ERCC8: variants seen among roughly 807,000 people sequenced by gnomAD.
The protein encoded by ERCC8 is DNA excision repair protein ERCC-8.
In ERCC8, 52 loss-of-function variants were observed where a neutral mutation model predicts 54.9. That is an observed-to-expected ratio of 0.95 (90% CI 0.76 to 1.19). The LOEUF (loss-of-function observed/expected upper bound fraction) is 1.19. Ranked by LOEUF, ERCC8 falls within the 50% of genes most tolerant of loss-of-function variation. The pLI, the probability that ERCC8 is intolerant of heterozygous loss-of-function variation, is 0.00. For missense variants in ERCC8, 514 were observed against 466.1 expected (o/e 1.10, Z -0.95); for synonymous variants, 146 against 157.2 (o/e 0.93, Z 0.53).
At chr5:60,930,750 G>T (rs1192726142) in intron 1 of ERCC8, among the ~76,000 whole-genome samples, 1 of 151,952 alleles carries the variant, frequency 6.6e-6, no homozygotes, top group African/African-American at 2.4e-5. Flanking sequence ...TTAGCCTTAG[G>T]TTTAAATATC....
At chr5:60,925,730 G>C (rs191590002) in intron 2 of ERCC8, among the ~76,000 whole-genome samples, 1 of 152,280 alleles carries the variant, frequency 6.6e-6, no homozygotes, top group East Asian at 1.9e-4. Context: ...GGTTGTAAGT[G>C]TTAATCTGGT....
intron 1 of ERCC8, among the ~76,000 whole-genome samples, chr5:60,941,191 C>T (rs1302983874): frequency 1.3e-5 from 2 of 152,058 alleles, no homozygotes; most frequent in Non-Finnish European, 2.9e-5. Flanking sequence ...TGTGCACACA[C>T]TTGAAACAGA....
chr5:60,892,995 G>A, intron 9 of ERCC8: 1 of 774,876 alleles, frequency 1.3e-6, no homozygotes, highest in Non-Finnish European at 2.4e-6. Context: ...CTGATGCTGG[G>A]TCCTGGCCTT....
At chr5:60,885,641 A>G (rs1748371910) in intron 11 of ERCC8, among the ~76,000 whole-genome samples, 1 of 152,178 alleles carries the variant, frequency 6.6e-6, no homozygotes, top group Non-Finnish European at 1.5e-5. Flanking sequence ...ACCAAATTAG[A>G]CGTGATAAAA....
intron 4 of ERCC8, among the ~76,000 whole-genome samples, chr5:60,910,458 G>T (rs542774871): frequency 1.3e-5 from 2 of 152,122 alleles, no homozygotes; most frequent in African/African-American, 4.8e-5. Flanking sequence ...TGATTCTATA[G>T]ATCAGTTTGG....
rs1203620689 is a variant in ERCC8 at position 60,938,320 on chromosome 5, AT to A, written c.77+6611del. Reference sequence around the variant, plus strand: ...AGTTTCTATACCTTATGATCAAAGAATGTGGCCTGTAAGATAGCTACCTTTT... The same window carrying A: ...AGTTTCTATACCTTATGATCAAAGAAGTGGCCTGTAAGATAGCTACCTTTT... On this transcript the variant is annotated intron_variant, in intron 1 of 11. Transcript: ENST00000676185. 1.7e-4 allele frequency among the ~76,000 whole-genome samples: 26 copies of A among 149,710 alleles called. No individual in the cohort carries two copies. The East Asian group carries it at 4.5e-3, about 26-fold the overall frequency.
At chr5:60,889,125 G>C (rs1183595329) in intron 10 of ERCC8, among the ~76,000 whole-genome samples, 2 of 152,158 alleles carry the variant, frequency 1.3e-5, no homozygotes, top group African/African-American at 4.8e-5. Context: ...AATTTGGTCA[G>C]GAATATCACA....
At chr5:60,880,501 C>G (rs1748177426) in intron 11 of ERCC8, among the ~76,000 whole-genome samples, 1 of 152,198 alleles carries the variant, frequency 6.6e-6, no homozygotes, top group African/African-American at 2.4e-5. Flanking sequence ...TTCAGGTACA[C>G]CAATCAGATG....
At chr5:60,883,365 CA>C (rs1748301938) in intron 11 of ERCC8, among the ~76,000 whole-genome samples, 1 of 152,176 alleles carries the variant, frequency 6.6e-6, no homozygotes, top group African/African-American at 2.4e-5. Context: ...ATTTGAGACC[CA>C]CTGATCAAGT....
At chr5:60,942,633 G>A (rs1750295071) in intron 1 of ERCC8, among the ~76,000 whole-genome samples, 1 of 152,006 alleles carries the variant, frequency 6.6e-6, no homozygotes, top group Non-Finnish European at 1.5e-5. Context: ...GAAGGAAGAG[G>A]GTAAAGCAGA....
chr5:60,907,382 T>C (rs1749107555), intron 4 of ERCC8: 1 of 132,116 alleles, frequency 7.6e-6, no homozygotes, highest in South Asian at 2.3e-4. Flanking sequence ...TGAGATGGAG[T>C]CGCTCTGTTG....
At chr5:60,916,109 T>A (rs1425762897) in intron 4 of ERCC8, among the ~76,000 whole-genome samples, 1 of 152,070 alleles carries the variant, frequency 6.6e-6, no homozygotes, top group Non-Finnish European at 1.5e-5. Flanking sequence ...CTTAAGTCTA[T>A]GGTCTCGCAT....
intron 11 of ERCC8, among the ~76,000 whole-genome samples, chr5:60,878,453 C>T (rs771740295): frequency 1.5e-4 from 23 of 152,158 alleles, no homozygotes; most frequent in Admixed American, 2.6e-4. Context: ...ATGGTACCAG[C>T]TCCTCCTTGT....
chr5:60,876,079 C>T (rs1747996257), intron 11 of ERCC8, among the ~76,000 whole-genome samples: 2 of 151,414 alleles, frequency 1.3e-5, no homozygotes, highest in East Asian at 1.9e-4. Flanking sequence ...CTTCCTGTGT[C>T]GAAGTGTTCT....
At chr5:60,918,731 GT>G (rs1205554809) in intron 3 of ERCC8, 2 of 317,804 alleles carry the variant, frequency 6.3e-6, no homozygotes, top group Non-Finnish European at 1.2e-5. Flanking sequence ...AGCTGTTTTG[GT>G]TTTGGATTTG....
rs80243820 is a variant in ERCC8 at position 60,882,309 on chromosome 5, T to A, written c.1122+5131A>T. On this transcript the variant is annotated intron_variant, in intron 11 of 11. Coordinates refer to ENST00000676185, the MANE Select transcript of ERCC8 (RefSeq NM_000082.4). ...ATCAGCTAGAAGAGCTGGAAAACAA[T>A]ATATTAATTTAGGCATTCTTTATTG... Among the ~76,000 whole-genome samples the A allele has an allele frequency of 2.7e-3, 410 of 152,324 alleles. 16 individuals carry two copies. The East Asian group carries it at 0.074, about 27-fold the overall frequency.
At position 60,866,652 on chromosome 5, in the gene ERCC8, A is replaced by G. The variant is rs1333380377; in HGVS notation, c.*7963T>C. On this transcript the variant is annotated 3_prime_UTR_variant, in exon 12 of 12. Transcript: ENST00000676185. Reference sequence around the variant, plus strand: ...TCCATTAGAATTTGAGTGTTCACTCAGTATTAAGACAATTCATAAAACTTT... The same window carrying G: ...TCCATTAGAATTTGAGTGTTCACTCGGTATTAAGACAATTCATAAAACTTT... 6.6e-6 allele frequency: 1 copy of G among 152,254 alleles called. No individual in the cohort carries two copies. Among genetic ancestry groups the G allele is most frequent in the Non-Finnish European group, 1.5e-5 (1 of 68,038 alleles). 9.4% of individuals were successfully genotyped at this position (152,254 alleles called of 1,614,324 possible). A position where few individuals can be genotyped will look rare whatever the true frequency, so the allele number is the denominator to read the frequency against.
intron 7 of ERCC8, chr5:60,900,755 T>A (rs1001628659): frequency 6.6e-6 from 1 of 152,082 alleles, no homozygotes; most frequent in African/African-American, 2.4e-5. Context: ...ATCCAACTTT[T>A]AACACTGATT....
Position 60,922,050 on chromosome 5 carries a change from A to T in ERCC8, c.275+4T>A. 1 of 1,583,550 alleles carries T rather than the reference A, an allele frequency of 6.3e-7. No homozygotes were observed. The highest frequency in any genetic ancestry group is 2.2e-5 in the East Asian group (1 of 44,594). Reference sequence around the variant, plus strand: ...TCATAAATTTTTACATTTTAAATACATACCTGCCAATGGAACACACTGCTT... The same window carrying T: ...TCATAAATTTTTACATTTTAAATACTTACCTGCCAATGGAACACACTGCTT... On this transcript the variant is annotated splice_donor_region_variant and intron_variant, in intron 3 of 11. Coordinates refer to ENST00000676185, the MANE Select transcript of ERCC8 (RefSeq NM_000082.4).
Sources: allele counts gnomAD v4.1 joint callset (sites outside exome capture counted in the v4.1 genomes callset), GRCh38; gene constraint gnomAD v4.1.1; transcripts MANE v1.5; gene names NCBI Gene and HGNC (gene_info 2026-07-23, HGNC 2026-07-21).